The following WDR64 variants were observed in gnomAD, a reference collection of about 807,000 sequenced individuals.
The protein encoded by WDR64 is WD repeat domain 64.
WDR64 carries 112 observed loss-of-function variants against 139.3 expected under a neutral mutation model. That is an observed-to-expected ratio of 0.80 (90% CI 0.69 to 0.94). The LOEUF (loss-of-function observed/expected upper bound fraction) is 0.94. WDR64 is among the 40% of genes least tolerant of loss of function. WDR64 has a pLI of 0.00. For missense variants in WDR64, 1,206 were observed against 1,293.1 expected (o/e 0.93, Z 1.03); for synonymous variants, 444 against 437.7 (o/e 1.01, Z -0.18).
chr1:241,665,954 T>A (rs1477467452), intron 2 of WDR64, among the ~76,000 whole-genome samples: 2 of 152,228 alleles, frequency 1.3e-5, no homozygotes, highest in Non-Finnish European at 2.9e-5. Context: ...GTTAAAAGAA[T>A]GTTCCAGGAT....
intron 25 of WDR64, among the ~76,000 whole-genome samples, chr1:241,793,259 C>A (rs1192472021): frequency 6.6e-6 from 1 of 152,120 alleles, no homozygotes; most frequent in Non-Finnish European, 1.5e-5. Flanking sequence ...ACACAAAATT[C>A]TGGATTGCTA....
chr1:241,689,857 G>T lies in WDR64; in HGVS notation c.974+2262G>T, dbSNP rs778245593. 5.3e-5 allele frequency among the ~76,000 whole-genome samples: 8 copies of T among 152,002 alleles called. No homozygotes were observed. In the East Asian group the frequency reaches 1.5e-3, roughly 29 times the overall value. On this transcript the variant is annotated intron_variant, in intron 8 of 27. Coordinates refer to ENST00000437684, the MANE Select transcript of WDR64 (RefSeq NM_001367482.1). ...TCATTAGTATACCGGACGTAGCTGA[G>T]GAAAGAATTTATAGAAGATTCAAAA...
chr1:241,735,571 G>C (rs1485877417), intron 10 of WDR64, among the ~76,000 whole-genome samples: 4 of 92,662 alleles, frequency 4.3e-5, no homozygotes, highest in Non-Finnish European at 7.9e-5. Context: ...ATCTCGCTTT[G>C]TCATCCAGGC....
intron 10 of WDR64, among the ~76,000 whole-genome samples, chr1:241,737,757 A>G (rs1669382555): frequency 1.3e-5 from 2 of 152,286 alleles, no homozygotes; most frequent in East Asian, 3.9e-4. Context: ...TCTGATATCA[A>G]CTTAAGTTCT....
chr1:241,696,450 A>G (rs981614350), intron 8 of WDR64, among the ~76,000 whole-genome samples: 1 of 152,198 alleles, frequency 6.6e-6, no homozygotes, highest in African/African-American at 2.4e-5. Context: ...AAGGAATAAA[A>G]GAATGGCTAC....
At chr1:241,784,902 C>T (rs973538343) in intron 23 of WDR64, among the ~76,000 whole-genome samples, 9 of 135,680 alleles carry the variant, frequency 6.6e-5, no homozygotes, top group Non-Finnish European at 9.1e-5. Flanking sequence ...TGTAGTGAGC[C>T]GAGATCACGC....
At chr1:241,754,021 A>G (rs1456479837) in intron 14 of WDR64, among the ~76,000 whole-genome samples, 1 of 152,094 alleles carries the variant, frequency 6.6e-6, no homozygotes, top group Non-Finnish European at 1.5e-5. Context: ...AGGGTTAGGA[A>G]CCAGGATATA....
chr1:241,683,837 CAATT>C (rs1361094803), intron 7 of WDR64, 136 bp downstream of exon 7: 22 of 639,544 alleles, frequency 3.4e-5, no homozygotes, highest in Admixed American at 6.4e-5. Context: ...GTAATATAAA[CAATT>C]AATTATAGTC....
intron 16 of WDR64, 55 bp downstream of exon 16, chr1:241,766,406 G>A (rs1658173555): frequency 2.6e-6 from 4 of 1,567,564 alleles, no homozygotes; most frequent in Non-Finnish European, 3.5e-6. Flanking sequence ...GAAGGGCTCA[G>A]TAGCATGCAA....
At chr1:241,793,306 G>C (rs1026577310) in intron 25 of WDR64, among the ~76,000 whole-genome samples, 1 of 152,206 alleles carries the variant, frequency 6.6e-6, no homozygotes, top group Non-Finnish European at 1.5e-5. Context: ...AGTGAGGTGA[G>C]GGAGAGCTTC....
At chr1:241,767,808 T>A (rs1658247406) in intron 16 of WDR64, among the ~76,000 whole-genome samples, 1 of 152,194 alleles carries the variant, frequency 6.6e-6, no homozygotes, top group African/African-American at 2.4e-5. Context: ...AAATAGCTGT[T>A]TCTGCAGACC....
At chr1:241,668,745 C>A (rs1389243047) in intron 2 of WDR64, among the ~76,000 whole-genome samples, 1 of 152,028 alleles carries the variant, frequency 6.6e-6, no homozygotes, top group East Asian at 1.9e-4. Flanking sequence ...TCCATCTCTA[C>A]TAAAAATACA....
At chr1:241,708,034 T>C (rs1253654628) in intron 8 of WDR64, among the ~76,000 whole-genome samples, 1 of 152,154 alleles carries the variant, frequency 6.6e-6, no homozygotes, top group African/African-American at 2.4e-5. Context: ...CCACCTCTTC[T>C]TTTTACTGGG....
At chr1:241,789,164 T>C (rs1329953996) in intron 24 of WDR64, among the ~76,000 whole-genome samples, 2 of 151,936 alleles carry the variant, frequency 1.3e-5, no homozygotes, top group Admixed American at 6.6e-5. Context: ...ATGTGAATGG[T>C]AGACACAGAA....
intron 12 of WDR64, 71 bp downstream of exon 12, chr1:241,741,735 T>A: frequency 7.0e-7 from 1 of 1,430,012 alleles, no homozygotes; most frequent in Non-Finnish European, 9.3e-7. Flanking sequence ...TTAAAATAAA[T>A]CATTGAGTGA....
At chr1:241,763,902 C>G (rs537419367) in intron 15 of WDR64, among the ~76,000 whole-genome samples, 18 of 152,180 alleles carry the variant, frequency 1.2e-4, no homozygotes, top group Admixed American at 4.6e-4. Flanking sequence ...TCCTGGAGGG[C>G]TGGGGAGACG....
intron 16 of WDR64, among the ~76,000 whole-genome samples, chr1:241,766,644 T>C (rs1658186342): frequency 6.6e-6 from 1 of 151,086 alleles, no homozygotes; most frequent in South Asian, 2.1e-4. Flanking sequence ...GAGGTAGCAG[T>C]GAGCTGAGAT....
intron 10 of WDR64, among the ~76,000 whole-genome samples, chr1:241,731,675 G>A (rs1374459641): frequency 6.6e-6 from 1 of 152,200 alleles, no homozygotes; most frequent in Non-Finnish European, 1.5e-5. Flanking sequence ...TTTTTGTACT[G>A]TTTGAATCTG....
At chr1:241,793,012 T>C (rs930036625) in intron 25 of WDR64, among the ~76,000 whole-genome samples, 1 of 152,152 alleles carries the variant, frequency 6.6e-6, no homozygotes. Flanking sequence ...AAATCAATTA[T>C]GACATATTCA....
Sources: gnomAD v4.1 joint callset for allele counts (sites outside exome capture counted in the v4.1 genomes callset) on GRCh38, gnomAD v4.1.1 for gene constraint, MANE v1.5 for transcripts, NCBI Gene and HGNC (gene_info 2026-07-23, HGNC 2026-07-21) for gene names.